The following KLHL29 variants were observed in gnomAD, a reference collection of about 807,000 sequenced individuals.
KLHL29 encodes the protein kelch like family member 29.
Under a neutral mutation model 80.4 loss-of-function variants are expected in KLHL29, and 21 were observed. The ratio of observed to expected loss-of-function variants is 0.26; its 90% CI spans 0.19 to 0.38. The LOEUF (loss-of-function observed/expected upper bound fraction) is 0.38, where lower values mean the gene tolerates loss of function less well. KLHL29 is among the 10% of genes least tolerant of loss of function. The probability of loss-of-function intolerance (pLI) is 1.00; values close to 1 mark genes in which losing one functional copy is unlikely to be tolerated. For synonymous variants in KLHL29, 511 were observed against 526.8 expected (o/e 0.97, Z 0.41); for missense variants, 867 against 1,223.9 (o/e 0.71, Z 4.35).
chr2:23,502,913 G>A (rs1665495079), intron 2 of KLHL29, among the ~76,000 whole-genome samples: 1 of 152,184 alleles, frequency 6.6e-6, no homozygotes, highest in Admixed American at 6.5e-5. Flanking sequence ...CCACTGGCTT[G>A]GTTACTAAAA....
At chr2:23,627,682 C>T (rs1669351865) in intron 3 of KLHL29, among the ~76,000 whole-genome samples, 1 of 151,878 alleles carries the variant, frequency 6.6e-6, no homozygotes, top group African/African-American at 2.4e-5. Context: ...CGTCCCCTCT[C>T]TTGTTAGGTG....
chr2:23,464,640 A>G (rs971970182), intron 1 of KLHL29, among the ~76,000 whole-genome samples: 1 of 152,040 alleles, frequency 6.6e-6, no homozygotes, highest in Non-Finnish European at 1.5e-5. Context: ...TGGCCTCCCC[A>G]CTTTCCCCTT....
At chr2:23,432,968 C>T (rs536223163) in intron 1 of KLHL29, among the ~76,000 whole-genome samples, 6 of 152,196 alleles carry the variant, frequency 3.9e-5, no homozygotes, top group Non-Finnish European at 8.8e-5. Flanking sequence ...GGGGAAGGCA[C>T]AGAGAAAGGA....
intron 2 of KLHL29, chr2:23,523,811 C>T (rs1666188552): frequency 1.2e-5 from 4 of 340,098 alleles, no homozygotes; most frequent in African/African-American, 6.4e-5. Flanking sequence ...GCCTGCCAGC[C>T]GGCCTTGTCC....
At chr2:23,651,651 A>G (rs1670091205) in intron 5 of KLHL29, among the ~76,000 whole-genome samples, 1 of 152,028 alleles carries the variant, frequency 6.6e-6, no homozygotes, top group African/African-American at 2.4e-5. Context: ...AGATATTCTG[A>G]CTTTTCATTT....
intron 2 of KLHL29, among the ~76,000 whole-genome samples, chr2:23,553,817 G>A (rs1028991697): frequency 2.6e-5 from 4 of 152,218 alleles, no homozygotes; most frequent in Admixed American, 6.5e-5. Context: ...CCCTGTGCTC[G>A]GGCAGCTCCA....
intron 2 of KLHL29, among the ~76,000 whole-genome samples, chr2:23,491,821 C>A (rs1017326920): frequency 1.3e-5 from 2 of 152,178 alleles, no homozygotes; most frequent in African/African-American, 2.4e-5. Context: ...ACCTCCTCCT[C>A]CCATGTCCCC....
chr2:23,442,888 G>A (rs1663571638), intron 1 of KLHL29, among the ~76,000 whole-genome samples: 1 of 152,212 alleles, frequency 6.6e-6, no homozygotes, highest in African/African-American at 2.4e-5. Context: ...TCTTCAGGAA[G>A]TAGTTTTGCC....
intron 1 of KLHL29, among the ~76,000 whole-genome samples, chr2:23,414,598 G>A (rs1001230366): frequency 6.6e-6 from 1 of 152,110 alleles, no homozygotes; most frequent in African/African-American, 2.4e-5. Flanking sequence ...AGCTCAATTT[G>A]AGCCTCTTTC....
intron 5 of KLHL29, among the ~76,000 whole-genome samples, chr2:23,661,602 G>C (rs1241846435): frequency 6.6e-6 from 1 of 152,250 alleles, no homozygotes; most frequent in Non-Finnish European, 1.5e-5. Flanking sequence ...CTGGGACCAG[G>C]TCAGTTATCT....
At chr2:23,599,870 T>C (rs56142949) in intron 3 of KLHL29, among the ~76,000 whole-genome samples, 2,752 of 152,330 alleles carry the variant, frequency 0.018, 69 homozygotes, top group African/African-American at 0.061. Flanking sequence ...CTGGTTTACA[T>C]AGAGTAGCTC....
chr2:23,665,041 CCTGGGTGGTGACTCGGGTGG>C (rs1670515828), intron 5 of KLHL29, among the ~76,000 whole-genome samples: 1 of 152,242 alleles, frequency 6.6e-6, no homozygotes, highest in African/African-American at 2.4e-5. Context: ...CTCTCACGTG[CCTGGGTGGTGACTCGGGTGG>C]CTGGTGGCTG....
At position 23,670,910 on chromosome 2, in the gene KLHL29, TGCACGC is replaced by T. The variant is rs1453612714; in HGVS notation, c.941-13486_941-13481del. On this transcript the variant is annotated intron_variant, in intron 5 of 13. Transcript: ENST00000486442. ...GAGAAGGGAGGGGTCTCTACACACA[TGCACGC>T]GCTCTCTCTCTCTCTCTCTCTCTCT... Among the ~76,000 whole-genome samples the T allele has an allele frequency of 0.012, 206 of 17,450 alleles. 5 individuals are homozygous for T. In the East Asian group the frequency reaches 0.2, roughly 17 times the overall value. The allele number at this position is 17,450 out of a possible 152,430, so 11.4% of individuals were successfully genotyped here. A position where few individuals can be genotyped will look rare whatever the true frequency, so the allele number is the denominator to read the frequency against.
intron 2 of KLHL29, among the ~76,000 whole-genome samples, chr2:23,559,548 A>G (rs1667391512): frequency 6.6e-6 from 1 of 152,074 alleles, no homozygotes; most frequent in African/African-American, 2.4e-5. Flanking sequence ...GAGGCAGAGG[A>G]ATCTAAGACC....
At chr2:23,478,895 C>G (rs993811887) in intron 2 of KLHL29, among the ~76,000 whole-genome samples, 3 of 152,132 alleles carry the variant, frequency 2.0e-5, no homozygotes, top group East Asian at 3.9e-4. Context: ...TGGGCCATGT[C>G]CTGGGCTTCC....
At chr2:23,604,309 A>G (rs917528353) in intron 3 of KLHL29, among the ~76,000 whole-genome samples, 1 of 151,944 alleles carries the variant, frequency 6.6e-6, no homozygotes, top group Non-Finnish European at 1.5e-5. Context: ...GTTAGCCAGG[A>G]TGGTCTCGAT....
chr2:23,474,483 A>C (rs1175621959), intron 1 of KLHL29, among the ~76,000 whole-genome samples: 3 of 152,230 alleles, frequency 2.0e-5, no homozygotes, highest in Non-Finnish European at 2.9e-5. Flanking sequence ...GTCAAAATTA[A>C]ATGGCGACCT....
chr2:23,592,144 C>A lies in KLHL29; in HGVS notation c.285+29663C>A, dbSNP rs1008790674. On this transcript the variant is annotated intron_variant, in intron 3 of 13. Coordinates refer to ENST00000486442, the MANE Select transcript of KLHL29 (RefSeq NM_052920.2). ...GAAATTAGAGACCCTCTGGAGGGGCCCATCCTCATCAGTGGTTGGTGGCCC... is the reference window on the plus strand; with the variant it reads ...GAAATTAGAGACCCTCTGGAGGGGCACATCCTCATCAGTGGTTGGTGGCCC... 5.9e-5 allele frequency among the ~76,000 whole-genome samples: 9 copies of A among 152,226 alleles called. No individual in the cohort carries two copies. The East Asian group carries it at 1.7e-3, about 29-fold the overall frequency.
chr2:23,434,423 T>G (rs895492004), intron 1 of KLHL29, among the ~76,000 whole-genome samples: 1 of 121,980 alleles, frequency 8.2e-6, no homozygotes, highest in African/African-American at 3.2e-5. Context: ...TCCCATTCCC[T>G]GGTGGGGAGA....
Sources: gnomAD v4.1 joint callset for allele counts (sites outside exome capture counted in the v4.1 genomes callset) on GRCh38, gnomAD v4.1.1 for gene constraint, MANE v1.5 for transcripts, NCBI Gene and HGNC (gene_info 2026-07-23, HGNC 2026-07-21) for gene names.